BAD: variants seen among roughly 807,000 people sequenced by gnomAD.
The protein encoded by BAD is BCL2 associated agonist of cell death.
Under a neutral mutation model 17.8 loss-of-function variants are expected in BAD, and 18 were observed. The ratio of observed to expected loss-of-function variants is 1.01; its 90% CI spans 0.70 to 1.50. The LOEUF is 1.50. Among genes scored for constraint, BAD ranks in the 40% most tolerant of loss-of-function variants. The pLI is 0.00. For synonymous variants in BAD, 112 were observed against 91.5 expected (o/e 1.22, Z -1.28); for missense variants, 294 against 239.3 (o/e 1.23, Z -1.51).
chr11:64,272,257 C>T (rs916269247), intron 2 of BAD, among the ~76,000 whole-genome samples: 1 of 151,224 alleles, frequency 6.6e-6, no homozygotes, highest in East Asian at 1.9e-4. Flanking sequence ...AGGGAGAGGT[C>T]GCAGTGAGCC....
Position 64,270,236 on chromosome 11 carries a change from G to A in BAD, c.480C>T (p.Gly160=). The A allele has an allele frequency of 6.2e-7, 1 of 1,612,470 alleles. No individual in the cohort carries two copies. The highest frequency in any genetic ancestry group is 8.5e-7 in the Non-Finnish European group (1 of 1,178,856). The change falls in exon 4 of 4, where the codon GGC becomes GGT. Residue 160 remains glycine (G), a synonymous_variant. Coordinates refer to ENST00000309032, the MANE Select transcript of BAD (RefSeq NM_032989.3). The part of the protein sequence containing the change: ...VFQSWWDRNL[G]RGSSAPSQ ...ACTGGGAGGGGGCGGAGCTTCCCCT[G>A]CCCAAGTTCCGATCCCACCAGGACT...
chr11:64,284,483 G>A, intron 1 of BAD, 107 bp from the exon 2 acceptor site: 1 of 1,587,242 alleles, frequency 6.3e-7, no homozygotes, highest in Non-Finnish European at 8.5e-7. Context: ...AGCGCCCCCA[G>A]GCCCGCCAGG....
Position 64,284,121 on chromosome 11 carries a change from G to A in BAD, c.187+61C>T, listed in dbSNP as rs1251551791. The A allele has an allele frequency of 4.7e-6, 7 of 1,503,830 alleles. No individual in the cohort carries two copies. The African/African-American group carries it at 7.0e-5, about 15-fold the overall frequency. The allele number at this position is 1,503,830 out of a possible 1,614,324, so 93.2% of individuals were successfully genotyped here. ...CAGTGCCTGTGGATGCAACTGGGAT[G>A]CAGGGAGCCAGTGGGCTGGGGGTGA... On this transcript the variant is annotated intron_variant, in intron 2 of 3. Coordinates refer to ENST00000309032, the MANE Select transcript of BAD (RefSeq NM_032989.3).
intron 2 of BAD, among the ~76,000 whole-genome samples, chr11:64,283,092 T>C (rs1263073498): frequency 1.3e-5 from 2 of 151,998 alleles, no homozygotes; most frequent in Non-Finnish European, 2.9e-5. Flanking sequence ...GAAAGCAAGC[T>C]ATGGGGTCCA....
In BAD at chr11:64,271,528, G is replaced by A. The variant is rs2032605798; in HGVS notation, c.378+85C>T. Reference sequence around the variant, plus strand: ...GAGGGGTCGTGGGACTCCAGATCCGGGCGTGCCTTGGGACAAGGCAGGGAC... The same window carrying A: ...GAGGGGTCGTGGGACTCCAGATCCGAGCGTGCCTTGGGACAAGGCAGGGAC... On this transcript the variant is annotated intron_variant, in intron 3 of 3. Coordinates refer to ENST00000309032, the MANE Select transcript of BAD (RefSeq NM_032989.3). The A allele has an allele frequency of 4.6e-6, 6 of 1,305,162 alleles. No homozygotes were observed. In the Middle Eastern group the frequency reaches 7.3e-4, roughly 160 times the overall value. The allele number at this position is 1,305,162 out of a possible 1,614,324, so 80.8% of individuals were successfully genotyped here. A position where few individuals can be genotyped will look rare whatever the true frequency, so the allele number is the denominator to read the frequency against.
intron 2 of BAD, among the ~76,000 whole-genome samples, chr11:64,274,256 C>G (rs1348178563): frequency 6.6e-6 from 1 of 151,828 alleles, no homozygotes; most frequent in African/African-American, 2.4e-5. Flanking sequence ...GGCATGGTGG[C>G]TGGCGCCTTA....
At chr11:64,276,673 G>A in intron 2 of BAD, 1 of 526,824 alleles carries the variant, frequency 1.9e-6, no homozygotes, top group African/African-American at 1.9e-5. Flanking sequence ...GAAAAACCCT[G>A]GGGGAGTGTC....
intron 3 of BAD, chr11:64,270,648 G>A: frequency 3.3e-6 from 2 of 608,470 alleles, no homozygotes; most frequent in South Asian, 1.5e-5. Flanking sequence ...AGAATCAAAG[G>A]GCCGGGAGCG....
chr11:64,270,373 T>A lies in BAD; in HGVS notation c.379-36A>T, dbSNP rs200730833. The A allele has an allele frequency of 1.4e-4, 213 of 1,516,304 alleles. 2 individuals carry two copies. The Middle Eastern group carries it at 8.2e-3, about 58-fold the overall frequency. The allele number at this position is 1,516,304 out of a possible 1,614,324, so 93.9% of individuals were successfully genotyped here. Reference sequence around the variant, plus strand: ...GAGAAAAGGGTTACATGAGTTAGATTACCATGGCAGCTCGAGCCAGGCTCT... The same window carrying A: ...GAGAAAAGGGTTACATGAGTTAGATAACCATGGCAGCTCGAGCCAGGCTCT... On this transcript the variant is annotated intron_variant, in intron 3 of 3. Coordinates refer to ENST00000309032, the MANE Select transcript of BAD (RefSeq NM_032989.3).
At chr11:64,284,122 C>CAGGG in intron 2 of BAD, 60 bp downstream of exon 2, 1 of 1,505,710 alleles carries the variant, frequency 6.6e-7, no homozygotes, top group South Asian at 1.3e-5. Context: ...AACTGGGATG[C>CAGGG]AGGGAGCCAG....
intron 2 of BAD, among the ~76,000 whole-genome samples, chr11:64,278,654 G>A (rs1225912788): frequency 6.6e-6 from 1 of 152,136 alleles, no homozygotes; most frequent in Admixed American, 6.6e-5. Context: ...CTGCAGTCTG[G>A]CCCAGGGGCT....
rs920254772 is a variant in BAD, at chr11:64,271,876, TC to T, written c.188-74del. The T allele has an allele frequency of 1.1e-5, 14 of 1,230,500 alleles. No individual in the cohort carries two copies. In the African/African-American group the frequency reaches 2.0e-4, roughly 18 times the overall value. The allele number at this position is 1,230,500 out of a possible 1,614,324, so 76.2% of individuals were successfully genotyped here. ...TAAGCCCCTGGCCCTGCCTGAACCC[TC>T]CCCATCAGCTCTGCAGGCCCACTCG... On this transcript the variant is annotated intron_variant, in intron 2 of 3. Transcript: ENST00000309032.
At chr11:64,279,798 C>T (rs2033318778) in intron 2 of BAD, among the ~76,000 whole-genome samples, 1 of 151,408 alleles carries the variant, frequency 6.6e-6, no homozygotes, top group Admixed American at 6.6e-5. Flanking sequence ...CCCTCTATCC[C>T]ACCCTCTAGG....
chr11:64,277,092 G>C lies in BAD; in HGVS notation c.188-5289C>G, dbSNP rs558011232. The C allele has an allele frequency of 6.8e-4, 465 of 683,462 alleles. 2 individuals are homozygous for C. Among genetic ancestry groups the C allele is most frequent in the Non-Finnish European group, 1.0e-3 (375 of 367,132 alleles). 42.3% of individuals were successfully genotyped at this position (683,462 alleles called of 1,614,324 possible). On this transcript the variant is annotated intron_variant, in intron 2 of 3. Transcript: ENST00000309032. Reference sequence around the variant, plus strand: ...AGGCACACTTAATTACAAGACACTTGCACACTGAATTGCACACTTAATTAA... The same window carrying C: ...AGGCACACTTAATTACAAGACACTTCCACACTGAATTGCACACTTAATTAA...
intron 2 of BAD, among the ~76,000 whole-genome samples, chr11:64,278,364 GA>G (rs900551717): frequency 1.4e-5 from 2 of 145,552 alleles, no homozygotes; most frequent in East Asian, 2.0e-4. Context: ...CTCCATCTTG[GA>G]AAAAAAAATT....
chr11:64,284,450 C>A (rs775022318), intron 1 of BAD, 74 bp from the exon 2 acceptor site: 2 of 1,600,830 alleles, frequency 1.2e-6, no homozygotes, highest in South Asian at 2.2e-5. Context: ...GAGGCAGGTA[C>A]CCCTGGCTTC....
At chr11:64,276,930 G>A in intron 2 of BAD, 1 of 761,420 alleles carries the variant, frequency 1.3e-6, no homozygotes, top group Non-Finnish European at 2.4e-6. Context: ...TCTGCGTGTT[G>A]GGCTTCTGAG....
Position 64,270,327 on chromosome 11 carries a change from G to C in BAD, c.389C>G (p.Pro130Arg), listed in dbSNP as rs2032413503. Residue 130 changes from proline to arginine, a missense_variant, in exon 4 of 4, where the codon CCT (proline) becomes CGT (arginine). Pro to Arg is a moderately radical substitution (Grantham distance 103). Transcript: ENST00000309032. ...EFVDSFKKGL[P>R]RPKSAGTATQ... is the part of the protein sequence containing the mutation. ...TGCTGTGCCCGCGCTCTTCGGGCGA[G>C]GAAGTCCCTTCTGGTGGAGGGAGAA... 1.3e-6 allele frequency: 2 copies of C among 1,559,022 alleles called. No individual in the cohort carries two copies. Among genetic ancestry groups the C allele is most frequent in the East Asian group, 4.5e-5 (2 of 44,138 alleles).
At chr11:64,278,460 CCCT>C (rs1427147009) in intron 2 of BAD, among the ~76,000 whole-genome samples, 2 of 151,312 alleles carry the variant, frequency 1.3e-5, no homozygotes, top group African/African-American at 4.9e-5. Context: ...AACACTTAGC[CCCT>C]CCTCTGCGCC....
Sources: gnomAD v4.1 joint callset for allele counts (sites outside exome capture counted in the v4.1 genomes callset) on GRCh38, gnomAD v4.1.1 for gene constraint, MANE v1.5 for transcripts, NCBI Gene and HGNC (gene_info 2026-07-23, HGNC 2026-07-21) for gene names.